Variants in PEX3 observed in about 807,000 individuals in gnomAD.
PEX3 encodes the protein peroxin-3.
In PEX3, 30 loss-of-function variants were observed where a neutral mutation model predicts 55.8. The observed-to-expected ratio is 0.54, with a 90% CI of 0.40 to 0.73. The LOEUF is 0.73. Among genes scored for constraint, PEX3 ranks in the 30% least tolerant of loss-of-function variants. The pLI is 0.00. For synonymous variants in PEX3, 135 were observed against 148.4 expected, an observed-to-expected ratio of 0.91 and a Z score of 0.66; for missense variants, 351 against 432.8, an observed-to-expected ratio of 0.81 and a Z score of 1.68.
rs1375692761 is a variant in PEX3, at chr6:143,485,263, T to C, written c.1038+15T>C. 3 of 1,401,710 alleles carry C rather than the reference T, an allele frequency of 2.1e-6. No individual in the cohort carries two copies. Among genetic ancestry groups the C allele is most frequent in the African/African-American group, 1.4e-5 (1 of 70,804 alleles). 86.8% of individuals were successfully genotyped at this position (1,401,710 alleles called of 1,614,324 possible). A position where few individuals can be genotyped will look rare whatever the true frequency, so the allele number is the denominator to read the frequency against. The stretch of plus-strand genomic sequence containing the variant: ...ATTTTGTTCAGGTAAGAAGAAAGCT[T>C]GGGAGTGTTATTAAAAGCAAATTAT... On this transcript the variant is annotated intron_variant, in intron 11 of 11. Transcript: ENST00000367591. The surrounding 1 kb of genome is among the most constrained non-coding windows in gnomAD (Gnocchi z 5.6).
At chr6:143,481,790 G>A (rs1329930536) in intron 10 of PEX3, among the ~76,000 whole-genome samples, 1 of 151,968 alleles carries the variant, frequency 6.6e-6, no homozygotes, top group Non-Finnish European at 1.5e-5. Flanking sequence ...GGCCAAGGCA[G>A]GAAGATTGCT....
In PEX3 at chr6:143,471,492, T is replaced by A; in HGVS notation, c.523+43T>A. 2 of 1,557,568 alleles carry A rather than the reference T, an allele frequency of 1.3e-6. No homozygotes were observed. Among genetic ancestry groups the A allele is most frequent in the Non-Finnish European group, 1.8e-6 (2 of 1,129,922 alleles). On this transcript the variant is annotated intron_variant, in intron 6 of 11. Transcript: ENST00000367591. This position sits in a 1 kb window ranked among gnomAD's most constrained non-coding sequence, Gnocchi z 5.4. ...GACTTTTATACTAATTTTAATTCAT[T>A]TATTTTTATTATTGAGGAATTTTTA... is the stretch of plus-strand genomic sequence containing the variant.
rs1779817460 is a variant in PEX3 at position 143,454,618 on chromosome 6, A to T, written c.73+3503A>T. On this transcript the variant is annotated intron_variant, in intron 1 of 11. Transcript: ENST00000367591. This position sits in a 1 kb window ranked among gnomAD's most constrained non-coding sequence, Gnocchi z 4.3. Reference sequence around the variant, plus strand: ...GGAATAAGACAGATCCTGACTTTGAACTCATGGTACAGAAATGGAAATAAA... The same window carrying T: ...GGAATAAGACAGATCCTGACTTTGATCTCATGGTACAGAAATGGAAATAAA... Among the ~76,000 whole-genome samples, 1 of 152,216 alleles carries T rather than the reference A, an allele frequency of 6.6e-6. No individual in the cohort carries two copies. The highest frequency in any genetic ancestry group is 6.5e-5 in the Admixed American group (1 of 15,288).
At chr6:143,472,915 G>A (rs1158587500) in intron 8 of PEX3, among the ~76,000 whole-genome samples, 3 of 152,176 alleles carry the variant, frequency 2.0e-5, no homozygotes, top group Non-Finnish European at 2.9e-5. Context: ...CTATAGTGTT[G>A]CTAAACACTG....
In PEX3 at chr6:143,459,256, G is replaced by C; in HGVS notation, c.205+40G>C. On this transcript the variant is annotated intron_variant, in intron 2 of 11. Coordinates refer to ENST00000367591, the MANE Select transcript of PEX3 (RefSeq NM_003630.3). This position sits in a 1 kb window ranked among gnomAD's most constrained non-coding sequence, Gnocchi z 4.2. The stretch of plus-strand genomic sequence containing the variant: ...TATTTATACATGTGTAAAGTTGTTT[G>C]ACGGTTGTATTAATTTGCATATCAC... 1 of 1,576,676 alleles carries C rather than the reference G, an allele frequency of 6.3e-7. No individual in the cohort carries two copies. The highest frequency in any genetic ancestry group is 8.7e-7 in the Non-Finnish European group (1 of 1,147,048).
Position 143,459,040 on chromosome 6 carries a change from A to G in PEX3, c.74-45A>G, listed in dbSNP as rs1283741454. The G allele has an allele frequency of 2.2e-6, 3 of 1,345,834 alleles. No homozygotes were observed. Among genetic ancestry groups the G allele is most frequent in the Non-Finnish European group, 3.2e-6 (3 of 939,462 alleles). 83.4% of individuals were successfully genotyped at this position (1,345,834 alleles called of 1,614,324 possible). A position where few individuals can be genotyped will look rare whatever the true frequency, so the allele number is the denominator to read the frequency against. On this transcript the variant is annotated intron_variant, in intron 1 of 11. Transcript: ENST00000367591. The surrounding 1 kb of genome is among the most constrained non-coding windows in gnomAD (Gnocchi z 4.2). Reference sequence around the variant, plus strand: ...AAGTAGGTTAAAAATACTGTGTAGAATTTTTGGTACTCTAATGAATATAGT... The same window carrying G: ...AAGTAGGTTAAAAATACTGTGTAGAGTTTTTGGTACTCTAATGAATATAGT...
rs775058985 is a variant in PEX3, at chr6:143,479,180, A to T, written c.923A>T (p.His308Leu). The T allele has an allele frequency of 6.2e-7, 1 of 1,605,892 alleles. No homozygotes were observed. Among genetic ancestry groups the T allele is most frequent in the African/African-American group, 1.3e-5 (1 of 74,870 alleles). Residue 308 changes from histidine to leucine, a missense_variant, in exon 10 of 12, where the codon CAT becomes CTT. Coordinates refer to ENST00000367591, the MANE Select transcript of PEX3 (RefSeq NM_003630.3). This position sits in a 1 kb window ranked among gnomAD's most constrained non-coding sequence, Gnocchi z 4.6. Reference protein sequence around the residue: ...FFRPTEQDLQHGNSMNSLSSV... With the variant: ...FFRPTEQDLQLGNSMNSLSSV... ...CGACCTACTGAACAGGACCTGCAACATGGTAACTCTATGAATAGGTAAGAT... is the reference window on the plus strand; with the variant it reads ...CGACCTACTGAACAGGACCTGCAACTTGGTAACTCTATGAATAGGTAAGAT...
In PEX3 at chr6:143,479,020, T is replaced by A; in HGVS notation, c.819-56T>A. ...AAGGTAACCACGTTATTACTGAATT[T>A]GTTTTCTCTTCCATTCAGAGTCTAA... On this transcript the variant is annotated intron_variant, in intron 9 of 11. Coordinates refer to ENST00000367591, the MANE Select transcript of PEX3 (RefSeq NM_003630.3). The surrounding 1 kb of genome is among the most constrained non-coding windows in gnomAD (Gnocchi z 4.6). 1 of 1,101,080 alleles carries A rather than the reference T, an allele frequency of 9.1e-7. No homozygotes were observed. The highest frequency in any genetic ancestry group is 1.4e-6 in the Non-Finnish European group (1 of 716,862). 68.2% of individuals were successfully genotyped at this position (1,101,080 alleles called of 1,614,324 possible). A position where few individuals can be genotyped will look rare whatever the true frequency, so the allele number is the denominator to read the frequency against.
rs574058452 is a variant in PEX3 at position 143,462,264 on chromosome 6, T to C, written c.206-652T>C. Among the ~76,000 whole-genome samples, 6 of 152,306 alleles carry C rather than the reference T, an allele frequency of 3.9e-5. No individual in the cohort carries two copies. In the South Asian group the frequency reaches 1.2e-3, roughly 32 times the overall value. On this transcript the variant is annotated intron_variant, in intron 2 of 11. Coordinates refer to ENST00000367591, the MANE Select transcript of PEX3 (RefSeq NM_003630.3). The surrounding 1 kb of genome is among the most constrained non-coding windows in gnomAD (Gnocchi z 4.1). ...AAAACTAAAACTCAGCAACTTTTAG[T>C]TTCTAACCCAGTGCACTTTTATTTA...
rs1246627894 is a variant in PEX3 at position 143,486,714 on chromosome 6, A to G, written c.1038+1466A>G. 6.6e-6 allele frequency among the ~76,000 whole-genome samples: 1 copy of G among 152,140 alleles called. No individual in the cohort carries two copies. ...TTTGCCTTGATTAGAATGCTAATTTACATAAAATTAGTCCTTTCGAATTAC... is the reference window on the plus strand; with the variant it reads ...TTTGCCTTGATTAGAATGCTAATTTGCATAAAATTAGTCCTTTCGAATTAC... On this transcript the variant is annotated intron_variant, in intron 11 of 11. Coordinates refer to ENST00000367591, the MANE Select transcript of PEX3 (RefSeq NM_003630.3). The surrounding 1 kb of genome is among the most constrained non-coding windows in gnomAD (Gnocchi z 5.0).
Position 143,474,792 on chromosome 6 carries a change from G to C in PEX3, c.754G>C (p.Gly252Arg), listed in dbSNP as rs1467671544. The C allele has an allele frequency of 3.0e-5, 47 of 1,570,968 alleles. No homozygotes were observed. The Admixed American group carries it at 7.8e-4, about 26-fold the overall frequency. Residue 252 changes from glycine (G) to arginine (R), a missense_variant, in exon 9 of 12, where the codon GGA becomes CGA. By Grantham distance (125) the Gly-to-Arg change is moderately radical. Transcript: ENST00000367591. ...EETPLAVQAC[G>R]LSPRDITTIK... ...TGACATTTTAATTCTATAGGCCTGT[G>C]GACTTTCTCCTCGAGACATTACCAC...
At chr6:143,477,039 G>A (rs1413939243) in intron 9 of PEX3, among the ~76,000 whole-genome samples, 1 of 152,158 alleles carries the variant, frequency 6.6e-6, no homozygotes, top group Non-Finnish European at 1.5e-5. Flanking sequence ...GATTGATTGG[G>A]TCTAATGCTC....
rs560784262 is a variant in PEX3 at position 143,471,233 on chromosome 6, T to C, written c.456+148T>C. On this transcript the variant is annotated intron_variant, in intron 5 of 11. Transcript: ENST00000367591. This position sits in a 1 kb window ranked among gnomAD's most constrained non-coding sequence, Gnocchi z 5.4. Reference sequence around the variant, plus strand: ...TTTAGTATTATGAATAATTTTTATATGTTGAAACTAGAATTTTTGGTGTGT... The same window carrying C: ...TTTAGTATTATGAATAATTTTTATACGTTGAAACTAGAATTTTTGGTGTGT... 4.1e-6 allele frequency: 4 copies of C among 979,688 alleles called. No individual in the cohort carries two copies. The highest frequency in any genetic ancestry group is 6.2e-6 in the Non-Finnish European group (4 of 641,476). The allele number at this position is 979,688 out of a possible 1,614,324, so 60.7% of individuals were successfully genotyped here.
intron 4 of PEX3, among the ~76,000 whole-genome samples, chr6:143,468,689 T>C (rs1223131788): frequency 3.3e-5 from 5 of 152,048 alleles, no homozygotes; most frequent in Non-Finnish European, 7.4e-5. Context: ...TACTTTAAGT[T>C]CTGGGGTACA....
rs1779946083 is a variant in PEX3 at position 143,462,997 on chromosome 6, G to A, written c.287G>A (p.Arg96Lys). 1.2e-6 allele frequency: 2 copies of A among 1,608,828 alleles called. No homozygotes were observed. The highest frequency in any genetic ancestry group is 4.5e-5 in the East Asian group (2 of 44,848). ...SESLTALLKN[R>K]PSNKLEIWED... ...AGCCTCACAGCTCTGCTAAAAAACA[G>A]GTAAATGCAAGTTACAGCATTTTCT... Residue 96 changes from arginine to lysine, a missense_variant and splice_region_variant, in exon 3 of 12, where the codon AGG (arginine) becomes AAG (lysine). Physicochemically the swap from Arg to Lys is conservative, Grantham distance 26. Transcript: ENST00000367591. This position sits in a 1 kb window ranked among gnomAD's most constrained non-coding sequence, Gnocchi z 4.1.
intron 2 of PEX3, among the ~76,000 whole-genome samples, chr6:143,460,368 G>A (rs1423028028): frequency 6.6e-6 from 1 of 152,122 alleles, no homozygotes; most frequent in Admixed American, 6.5e-5. Context: ...AGAGTAAAAT[G>A]AACATTATAA....
At chr6:143,457,980 T>C (rs943784829) in intron 1 of PEX3, among the ~76,000 whole-genome samples, 2 of 152,204 alleles carry the variant, frequency 1.3e-5, no homozygotes, top group African/African-American at 2.4e-5. Context: ...TATATTCTAG[T>C]TCATATGAAT....
At position 143,464,774 on chromosome 6, in the gene PEX3, A is replaced by T. The variant is rs1779971425; in HGVS notation, c.287+1777A>T. 6.6e-6 allele frequency among the ~76,000 whole-genome samples: 1 copy of T among 151,834 alleles called. No homozygotes were observed. Among genetic ancestry groups the T allele is most frequent in the Non-Finnish European group, 1.5e-5 (1 of 67,812 alleles). On this transcript the variant is annotated intron_variant, in intron 3 of 11. Coordinates refer to ENST00000367591, the MANE Select transcript of PEX3 (RefSeq NM_003630.3). This position sits in a 1 kb window ranked among gnomAD's most constrained non-coding sequence, Gnocchi z 5.8. ...ATAAATAAGGGCTTGATCCCTTACA[A>T]AGTATCATTAAATAAGGCCTCCAAT...
At position 143,458,244 on chromosome 6, in the gene PEX3, C is replaced by T. The variant is rs1274564813; in HGVS notation, c.74-841C>T. 6.6e-6 allele frequency among the ~76,000 whole-genome samples: 1 copy of T among 152,158 alleles called. No homozygotes were observed. The highest frequency in any genetic ancestry group is 2.4e-5 in the African/African-American group (1 of 41,444). Reference sequence around the variant, plus strand: ...CTAAAATGTACACATATATATCATACTGCCTATGCTGAAATCTGTTAAATC... The same window carrying T: ...CTAAAATGTACACATATATATCATATTGCCTATGCTGAAATCTGTTAAATC... On this transcript the variant is annotated intron_variant, in intron 1 of 11. Coordinates refer to ENST00000367591, the MANE Select transcript of PEX3 (RefSeq NM_003630.3). The surrounding 1 kb of genome is among the most constrained non-coding windows in gnomAD (Gnocchi z 6.1).
Sources: gnomAD v4.1 joint callset for allele counts (sites outside exome capture counted in the v4.1 genomes callset) on GRCh38, gnomAD v4.1.1 for gene constraint, Gnocchi (gnomAD v3.1) non-coding constraint, MANE v1.5 for transcripts, NCBI Gene and HGNC (gene_info 2026-07-23, HGNC 2026-07-21) for gene names.